Variants in FSCN2 observed in about 807,000 individuals in gnomAD.
FSCN2 encodes fascin-2.
Under a neutral mutation model 37.8 loss-of-function variants are expected in FSCN2, and 46 were observed. The observed-to-expected ratio is 1.22, with a 90% CI of 0.96 to 1.56. FSCN2 has a LOEUF of 1.56. Ranked by LOEUF, FSCN2 falls within the 40% of genes most tolerant of loss-of-function variation. FSCN2 has a pLI of 0.00. For missense variants in FSCN2, 844 were observed against 730.4 expected (o/e 1.16, Z -1.79); for synonymous variants, 351 against 309.4 (o/e 1.13, Z -1.41).
At chr17:81,534,421 G>A (rs1475557834) in intron 1 of FSCN2, among the ~76,000 whole-genome samples, 6 of 152,162 alleles carry the variant, frequency 3.9e-5, no homozygotes, top group Non-Finnish European at 7.4e-5. Context: ...GGAGGAGCCA[G>A]GGACTTAGTT....
At chr17:81,521,514 G>T in the FSCN2 span, among the ~76,000 whole-genome samples, 1 of 152,222 alleles carries the variant, frequency 6.6e-6, no homozygotes, top group South Asian at 2.1e-4. Context: ...CAGGACTACA[G>T]GTGTATGCCA....
In FSCN2 at chr17:81,536,881, A is replaced by C; in HGVS notation, c.1280A>C (p.Asp427Ala). The C allele has an allele frequency of 6.4e-7, 1 of 1,571,362 alleles. No individual in the cohort carries two copies. The highest frequency in any genetic ancestry group is 8.6e-7 in the Non-Finnish European group (1 of 1,158,390). Residue 427 changes from aspartate to alanine, a missense_variant, in exon 5 of 5, where the codon GAC (aspartate) becomes GCC (alanine). By Grantham distance (126) the Asp-to-Ala change is moderately radical (BLOSUM62 -2). Coordinates refer to ENST00000417245, the MANE Select transcript of FSCN2 (RefSeq NM_012418.4). ...ACGCCGTCCCGTCCCCCAGGCCGCGACGGAGGGTTCTGGTACACGGGCAGC... is the reference window on the plus strand; with the variant it reads ...ACGCCGTCCCGTCCCCCAGGCCGCGCCGGAGGGTTCTGGTACACGGGCAGC... ...SDGAYRIRGR[D>A]GGFWYTGSHG... is the part of the protein sequence containing the mutation.
rs769825201 is a variant in FSCN2 at position 81,532,449 on chromosome 17, GTGA to G, written c.827-2600_827-2598del. On this transcript the variant is annotated intron_variant, in intron 1 of 4. Transcript: ENST00000417245. The stretch of plus-strand genomic sequence containing the variant: ...GGTGATGATAATGGTGATGATGATG[GTGA>G]TGGTGGTGGTGATGGTGGTGGTGGT... Among the ~76,000 whole-genome samples the G allele has an allele frequency of 3.6e-3, 238 of 66,964 alleles. 1 individual carries two copies. The highest frequency in any genetic ancestry group is 6.0e-3 in the Non-Finnish European group (167 of 27,676). 43.9% of individuals were successfully genotyped at this position (66,964 alleles called of 152,430 possible).
At chr17:81,523,635 G>T (rs1166891318), upstream of FSCN2, 1 of 152,538 alleles carries the variant, frequency 6.6e-6, no homozygotes, top group African/African-American at 2.4e-5. Context: ...GGGGGAGGGT[G>T]GAGTACCTGG....
chr17:81,530,786 T>A, intron 1 of FSCN2: 2 of 320,224 alleles, frequency 6.2e-6, no homozygotes, highest in Non-Finnish European at 1.2e-5. Context: ...GTTGGCATCC[T>A]CGGGCCTGTC....
the FSCN2 span, among the ~76,000 whole-genome samples, chr17:81,517,351 C>T: frequency 6.6e-5 from 10 of 152,164 alleles, no homozygotes; most frequent in Admixed American, 5.2e-4. Flanking sequence ...ACCCCAGTTC[C>T]TGTCAAAAAA....
chr17:81,526,683 G>A (rs1409078341), upstream of FSCN2, among the ~76,000 whole-genome samples: 1 of 152,228 alleles, frequency 6.6e-6, no homozygotes, highest in Non-Finnish European at 1.5e-5. Flanking sequence ...CAGCACCCTA[G>A]CTTGTATCCC....
chr17:81,528,750 G>A lies in FSCN2; in HGVS notation c.219G>A (p.Glu73=), dbSNP rs781802303. ...SHLGRYLSAE[E]DGRVACEAEQ... Reference sequence around the variant, plus strand: ...TGGGCCGCTACCTGTCGGCAGAAGAGGACGGGCGCGTGGCCTGTGAGGCAG... The same window carrying A: ...TGGGCCGCTACCTGTCGGCAGAAGAAGACGGGCGCGTGGCCTGTGAGGCAG... The change falls in exon 1 of 5, where the codon GAG becomes GAA. Residue 73 remains glutamate (E), a synonymous_variant. Coordinates refer to ENST00000417245, the MANE Select transcript of FSCN2 (RefSeq NM_012418.4). 2 of 1,587,246 alleles carry A rather than the reference G, an allele frequency of 1.3e-6. No individual in the cohort carries two copies. The highest frequency in any genetic ancestry group is 1.8e-5 in the Admixed American group (1 of 55,882).
chr17:81,531,792 ATGATGATAATGG>A (rs2032635527), intron 1 of FSCN2, among the ~76,000 whole-genome samples: 1 of 64,926 alleles, frequency 1.5e-5, no homozygotes, highest in East Asian at 3.3e-3. Flanking sequence ...GATGATGGTG[ATGATGATAATGG>A]TGATGATGGT....
chr17:81,529,405 CT>C, intron 1 of FSCN2, 48 bp downstream of exon 1: 1 of 1,414,934 alleles, frequency 7.1e-7, no homozygotes, highest in Non-Finnish European at 9.6e-7. Flanking sequence ...TGGGACCCCC[CT>C]GCTTCAGGGA....
the FSCN2 span, among the ~76,000 whole-genome samples, chr17:81,519,635 G>A: frequency 6.6e-6 from 1 of 152,234 alleles, no homozygotes; most frequent in African/African-American, 2.4e-5. Flanking sequence ...GGCGGGGCCG[G>A]TCGCTGAGTC....
At chr17:81,535,662 T>A (rs1019301920) in intron 2 of FSCN2, among the ~76,000 whole-genome samples, 1 of 4,000 alleles carries the variant, frequency 2.5e-4, no homozygotes, top group Non-Finnish European at 4.9e-4. Flanking sequence ...CATCCCCATC[T>A]CCATCCCCAC....
At chr17:81,535,240 TC>T in intron 2 of FSCN2, 32 bp downstream of exon 2, 1 of 1,474,446 alleles carries the variant, frequency 6.8e-7, no homozygotes, top group Non-Finnish European at 9.1e-7. Context: ...TCCTCCATCA[TC>T]CCCATCCCCA....
the FSCN2 span, among the ~76,000 whole-genome samples, chr17:81,521,347 C>A: frequency 1.3e-5 from 2 of 150,320 alleles, no homozygotes; most frequent in Non-Finnish European, 1.5e-5. Context: ...GGATTACAGG[C>A]ATAAGCCAAG....
the FSCN2 span, among the ~76,000 whole-genome samples, chr17:81,519,719 C>T: frequency 6.6e-6 from 1 of 152,120 alleles, no homozygotes; most frequent in African/African-American, 2.4e-5. Flanking sequence ...AGGGCTGACG[C>T]GGAAAAGTGG....
chr17:81,534,112 G>C (rs1376046122), intron 1 of FSCN2, among the ~76,000 whole-genome samples: 1 of 152,212 alleles, frequency 6.6e-6, no homozygotes, highest in Non-Finnish European at 1.5e-5. Flanking sequence ...CTCTGCGTCT[G>C]ATCAGTGATG....
chr17:81,536,285 C>T lies in FSCN2; in HGVS notation c.1105+18C>T, dbSNP rs375809410. The T allele has an allele frequency of 1.5e-5, 24 of 1,588,240 alleles. No homozygotes were observed. The highest frequency in any genetic ancestry group is 2.1e-5 in the Non-Finnish European group (24 of 1,168,550). ...TTTTGTCGGTGAGCACTCTGCCTGC[C>T]AGGTACTGGGGCAGGGGCTGTCTCC... On this transcript the variant is annotated intron_variant, in intron 3 of 4. Transcript: ENST00000417245.
At position 81,529,849 on chromosome 17, in the gene FSCN2, A is replaced by G. The variant is rs1467630694; in HGVS notation, c.826+492A>G. Among the ~76,000 whole-genome samples the G allele has an allele frequency of 5.3e-5, 8 of 152,198 alleles. No individual in the cohort carries two copies. The East Asian group carries it at 5.8e-4, about 11-fold the overall frequency. On this transcript the variant is annotated intron_variant, in intron 1 of 4. Coordinates refer to ENST00000417245, the MANE Select transcript of FSCN2 (RefSeq NM_012418.4). The stretch of plus-strand genomic sequence containing the variant: ...TTTTGAGACAGAGTCTCGCTCTGTC[A>G]CCCAGGCTGGAGCGCAGTGGCGTGA...
rs993372361 is a variant in FSCN2 at position 81,529,959 on chromosome 17, G to C, written c.826+602G>C. On this transcript the variant is annotated intron_variant, in intron 1 of 4. Coordinates refer to ENST00000417245, the MANE Select transcript of FSCN2 (RefSeq NM_012418.4). ...CGAGTAGCTGGGACTACAGGCGCCC[G>C]CCACCACGCCCGGCTAATTTTTTGT... 2.6e-5 allele frequency among the ~76,000 whole-genome samples: 4 copies of C among 152,332 alleles called. No individual in the cohort carries two copies. In the South Asian group the frequency reaches 8.3e-4, roughly 32 times the overall value.
Sources: gnomAD v4.1 joint callset for allele counts (sites outside exome capture counted in the v4.1 genomes callset) on GRCh38, gnomAD v4.1.1 for gene constraint, MANE v1.5 for transcripts, NCBI Gene and HGNC (gene_info 2026-07-23, HGNC 2026-07-21) for gene names.